The following TENM3 variants were observed in gnomAD, a reference collection of about 807,000 sequenced individuals.
TENM3 encodes teneurin transmembrane protein 3.
TENM3 carries 63 observed loss-of-function variants against 255.1 expected under a neutral mutation model. That is an observed-to-expected ratio of 0.25 (90% CI 0.20 to 0.30). TENM3 has a LOEUF of 0.30. Among genes scored for constraint, TENM3 ranks in the 10% least tolerant of loss-of-function variants. TENM3 has a pLI of 1.00. For missense variants in TENM3, 2,929 were observed against 3,461.1 expected (o/e 0.85, Z 3.86); for synonymous variants, 1,306 against 1,322.3 (o/e 0.99, Z 0.27).
At chr4:181,979,109 T>C in the TENM3 span, among the ~76,000 whole-genome samples, 1 of 36,498 alleles carries the variant, frequency 2.7e-5, no homozygotes, top group Non-Finnish European at 5.4e-5. Flanking sequence ...TATATATATA[T>C]ATATATATAT....
the TENM3 span, among the ~76,000 whole-genome samples, chr4:182,118,153 T>G: frequency 6.6e-6 from 1 of 151,678 alleles, no homozygotes; most frequent in Non-Finnish European, 1.5e-5. Flanking sequence ...TGATTATCAT[T>G]AATTACTTAT....
At chr4:182,759,439 C>T (rs1227060684) in intron 22 of TENM3, among the ~76,000 whole-genome samples, 1 of 152,204 alleles carries the variant, frequency 6.6e-6, no homozygotes, top group African/African-American at 2.4e-5. Context: ...TAGTTCACAC[C>T]TCCGTACCAA....
At chr4:181,840,656 G>T in the TENM3 span, among the ~76,000 whole-genome samples, 1 of 151,926 alleles carries the variant, frequency 6.6e-6, no homozygotes, top group Non-Finnish European at 1.5e-5. Context: ...CAGTCTTCTG[G>T]GCAGGGGGTT....
At chr4:182,591,743 T>G (rs1291565183) in intron 3 of TENM3, among the ~76,000 whole-genome samples, 1 of 152,232 alleles carries the variant, frequency 6.6e-6, no homozygotes, top group Non-Finnish European at 1.5e-5. Flanking sequence ...CTGGTTTATG[T>G]GAAAGTGATT....
At chr4:181,460,016 T>C in the TENM3 span, among the ~76,000 whole-genome samples, 2 of 151,976 alleles carry the variant, frequency 1.3e-5, no homozygotes, top group Non-Finnish European at 2.9e-5. Flanking sequence ...CAGTTTTTGG[T>C]GTAAAGATCT....
intron 3 of TENM3, among the ~76,000 whole-genome samples, chr4:182,369,450 C>G (rs75728225): frequency 0.01 from 1,545 of 152,334 alleles, 6 homozygotes; most frequent in East Asian, 0.02. Flanking sequence ...CAGTAGTAGA[C>G]TGTAGGTCCT....
the TENM3 span, among the ~76,000 whole-genome samples, chr4:181,469,200 A>G: frequency 1.3e-5 from 2 of 152,184 alleles, no homozygotes; most frequent in African/African-American, 4.8e-5. Context: ...TCCTGGCTTA[A>G]GAGTACAATA....
intron 3 of TENM3, among the ~76,000 whole-genome samples, chr4:182,505,586 C>A (rs1214265766): frequency 2.0e-5 from 3 of 152,188 alleles, no homozygotes; most frequent in Admixed American, 2.0e-4. Flanking sequence ...TCAAGCGATT[C>A]TCCTGCCTCA....
At chr4:181,588,027 G>GC in the TENM3 span, among the ~76,000 whole-genome samples, 1 of 152,110 alleles carries the variant, frequency 6.6e-6, no homozygotes. Flanking sequence ...GTGGAAGTGA[G>GC]CCGCCATCTG....
intron 1 of TENM3, among the ~76,000 whole-genome samples, chr4:182,292,008 G>A (rs753117353): frequency 5.1e-4 from 77 of 152,042 alleles, no homozygotes; most frequent in Admixed American, 6.5e-4. Context: ...CCATAAAAAA[G>A]TTTTCCCCAA....
intron 7 of TENM3, among the ~76,000 whole-genome samples, chr4:182,679,083 T>G (rs765163103): frequency 2.0e-5 from 3 of 151,950 alleles, no homozygotes; most frequent in Non-Finnish European, 2.9e-5. Context: ...AGGGGAGGGA[T>G]AGCATTAGGA....
At chr4:182,419,374 G>T (rs1036605620) in intron 3 of TENM3, among the ~76,000 whole-genome samples, 1 of 152,142 alleles carries the variant, frequency 6.6e-6, no homozygotes, top group Non-Finnish European at 1.5e-5. Context: ...GAAACAACAG[G>T]TGCTGGAGAG....
chr4:182,751,019 G>A (rs1234147816), intron 19 of TENM3, among the ~76,000 whole-genome samples: 2 of 152,206 alleles, frequency 1.3e-5, no homozygotes, highest in East Asian at 1.9e-4. Flanking sequence ...TTTTTTACAA[G>A]TAATGGGACA....
chr4:182,490,081 T>A (rs2151576943), intron 3 of TENM3, among the ~76,000 whole-genome samples: 1 of 152,298 alleles, frequency 6.6e-6, no homozygotes, highest in Admixed American at 6.5e-5. Context: ...TAGAGACACA[T>A]TTCAAAGGTG....
intron 1 of TENM3, among the ~76,000 whole-genome samples, chr4:182,298,329 G>A (rs1464354850): frequency 2.0e-5 from 3 of 152,102 alleles, no homozygotes; most frequent in African/African-American, 7.2e-5. Context: ...GAAATGAGGT[G>A]GAAACGCCTC....
chr4:182,542,073 A>G (rs1375970735), intron 3 of TENM3, among the ~76,000 whole-genome samples: 1 of 152,162 alleles, frequency 6.6e-6, no homozygotes, highest in Non-Finnish European at 1.5e-5. Flanking sequence ...AAAAAAAGAA[A>G]AAGTAGTGAC....
chr4:182,746,079 T>C (rs572031017), intron 19 of TENM3, among the ~76,000 whole-genome samples: 3 of 152,312 alleles, frequency 2.0e-5, no homozygotes, highest in African/African-American at 7.2e-5. Flanking sequence ...TCACTTACCG[T>C]GTGTTAGGCA....
At chr4:181,975,884 G>T in the TENM3 span, 1 of 152,152 alleles carries the variant, frequency 6.6e-6, no homozygotes, top group South Asian at 2.1e-4. Flanking sequence ...GAAAATTATT[G>T]TCTGACAGTT....
At chr4:182,595,398 A>G (rs950906992) in intron 3 of TENM3, among the ~76,000 whole-genome samples, 5 of 152,144 alleles carry the variant, frequency 3.3e-5, no homozygotes, top group African/African-American at 1.2e-4. Context: ...AGTGTACACC[A>G]TGATCCAGGT....
Sources: allele counts gnomAD v4.1 joint callset (sites outside exome capture counted in the v4.1 genomes callset), GRCh38; gene constraint gnomAD v4.1.1; transcripts MANE v1.5; gene names NCBI Gene and HGNC (gene_info 2026-07-23, HGNC 2026-07-21).